Variants in USH2A observed in about 807,000 individuals in gnomAD.
The protein encoded by USH2A is Usher syndrome 2A (autosomal recessive, mild).
In USH2A, 443 loss-of-function variants were observed where a neutral mutation model predicts 538.9. The observed-to-expected ratio is 0.82, with a 90% confidence interval of 0.76 to 0.89. The LOEUF (loss-of-function observed/expected upper bound fraction) is 0.89, where lower values mean the gene tolerates loss of function less well. USH2A is among the 40% of genes least tolerant of loss of function. The pLI, the probability that USH2A is intolerant of heterozygous loss-of-function variation, is 0.00. For missense variants in USH2A, 6,633 were observed against 6,324.8 expected (o/e 1.05, Z -1.65); for synonymous variants, 2,413 against 2,273.5 (o/e 1.06, Z -1.75).
intron 22 of USH2A, among the ~76,000 whole-genome samples, chr1:216,096,317 T>C (rs1014448385): frequency 6.6e-6 from 1 of 152,190 alleles, no homozygotes; most frequent in African/African-American, 2.4e-5. Context: ...ATTTCCTTAA[T>C]ATTTGCTGCT....
Position 216,242,595 on chromosome 1 carries a change from G to A in USH2A, c.2809+3990C>T, listed in dbSNP as rs116179637. Among the ~76,000 whole-genome samples, 358 of 152,076 alleles carry A rather than the reference G, an allele frequency of 2.4e-3. 1 individual carries two copies. The highest frequency in any genetic ancestry group is 7.9e-3 in the African/African-American group (329 of 41,534). The stretch of plus-strand genomic sequence containing the variant: ...TAGATAATAATATAAAAAGAAACAG[G>A]TTGATAATTTCTTTCACTTCACCAT... On this transcript the variant is annotated intron_variant, in intron 13 of 71. Transcript: ENST00000307340.
chr1:215,873,537 T>C (rs776833552), intron 43 of USH2A, among the ~76,000 whole-genome samples: 3 of 152,192 alleles, frequency 2.0e-5, no homozygotes, highest in Non-Finnish European at 4.4e-5. Flanking sequence ...TTTTGAATAT[T>C]ATCCCCCACA....
intron 47 of USH2A, among the ~76,000 whole-genome samples, chr1:215,828,164 GA>G (rs1663207410): frequency 6.6e-6 from 1 of 152,110 alleles, no homozygotes; most frequent in Non-Finnish European, 1.5e-5. Flanking sequence ...AATATAGGGG[GA>G]TGCCGGGTGC....
intron 20 of USH2A, among the ~76,000 whole-genome samples, chr1:216,177,365 A>C (rs987929899): frequency 8.5e-5 from 13 of 152,106 alleles, no homozygotes; most frequent in African/African-American, 3.1e-4. Context: ...TCTTTGGTCA[A>C]AAAAGCTCCT....
intron 58 of USH2A, among the ~76,000 whole-genome samples, chr1:215,750,137 CA>C (rs968930516): frequency 6.6e-6 from 1 of 152,104 alleles, no homozygotes; most frequent in African/African-American, 2.4e-5. Context: ...GCATTTGTTT[CA>C]AAACACTTGG....
chr1:215,968,923 A>T (rs1667425950), intron 36 of USH2A, among the ~76,000 whole-genome samples: 1 of 152,192 alleles, frequency 6.6e-6, no homozygotes, highest in Non-Finnish European at 1.5e-5. Flanking sequence ...GCCTTTTAAG[A>T]TTGATTCATA....
chr1:215,758,634 T>G lies in USH2A; in HGVS notation c.11350A>C (p.Ile3784Leu), dbSNP rs1660884865. The G allele has an allele frequency of 3.7e-6, 6 of 1,613,654 alleles. No homozygotes were observed. In the African/African-American group the frequency reaches 4.0e-5, roughly 11 times the overall value. Residue 3784 changes from isoleucine to leucine, a missense_variant, in exon 58 of 72, where the codon ATT becomes CTT. By Grantham distance (5) the Ile-to-Leu change is conservative (BLOSUM62 2). Transcript: ENST00000307340. ...EIYPPYNITV[I>L]GPYSIFVAWI... ...GCTACAAATATAGAATAAGGCCCAA[T>G]TACTGTGATATTATATGGAGGATAG...
At chr1:216,259,808 ACTT>A (rs2036333179) in intron 11 of USH2A, among the ~76,000 whole-genome samples, 2 of 152,118 alleles carry the variant, frequency 1.3e-5, no homozygotes, top group South Asian at 4.1e-4. Flanking sequence ...TTTTCTCACT[ACTT>A]TAAAATAACA....
chr1:216,102,121 C>T (rs1423052741), intron 21 of USH2A, among the ~76,000 whole-genome samples: 1 of 151,006 alleles, frequency 6.6e-6, no homozygotes, highest in Non-Finnish European at 1.5e-5. Context: ...AATGAAAAGA[C>T]AAATGACATA....
At position 215,844,470 on chromosome 1, in the gene USH2A, C is replaced by A; in HGVS notation, c.9082G>T (p.Val3028Phe). 6.2e-7 allele frequency: 1 copy of A among 1,611,336 alleles called. No individual in the cohort carries two copies. The highest frequency in any genetic ancestry group is 8.5e-7 in the Non-Finnish European group (1 of 1,179,814). ...ACAGCTGTACTGTTGATGATGACAA[C>A]CTCTGGAGGAAGCATGCCCTGAGGC... ...GEPQGMLPPE[V>F]VIINSTAVRV... Residue 3028 changes from valine to phenylalanine, a missense_variant, in exon 46 of 72, where the codon GTT becomes TTT. By Grantham distance (50) the Val-to-Phe change is conservative (BLOSUM62 -1). Coordinates refer to ENST00000307340, the MANE Select transcript of USH2A (RefSeq NM_206933.4).
intron 18 of USH2A, 144 bp downstream of exon 18, chr1:216,198,171 C>T: frequency 8.3e-7 from 1 of 1,205,898 alleles, no homozygotes; most frequent in Admixed American, 2.4e-5. Flanking sequence ...GTAACAAATC[C>T]ATATATATGA....
intron 22 of USH2A, among the ~76,000 whole-genome samples, chr1:216,092,714 A>G (rs529604855): frequency 2.6e-4 from 39 of 152,316 alleles, no homozygotes; most frequent in African/African-American, 9.4e-4. Context: ...CCTTGCTAGC[A>G]TAAGCTCGTT....
intron 3 of USH2A, among the ~76,000 whole-genome samples, chr1:216,398,839 CT>C (rs2039261247): frequency 6.6e-6 from 1 of 152,180 alleles, no homozygotes; most frequent in Admixed American, 6.5e-5. Flanking sequence ...AGGCAGCTGT[CT>C]AACTGTAGGT....
Position 215,766,597 on chromosome 1 carries a change from T to C in USH2A, c.11047+84A>G, listed in dbSNP as rs558179549. 3.2e-6 allele frequency: 4 copies of C among 1,256,844 alleles called. No individual in the cohort carries two copies. In the Admixed American group the frequency reaches 5.1e-5, roughly 16 times the overall value. 77.9% of individuals were successfully genotyped at this position (1,256,844 alleles called of 1,614,324 possible). A position where few individuals can be genotyped will look rare whatever the true frequency, so the allele number is the denominator to read the frequency against. On this transcript the variant is annotated intron_variant, in intron 56 of 71. Transcript: ENST00000307340. ...TATCAACTTTATTGCCTCTTCCTTA[T>C]TTGTTATGAAGGAGTTTACAGATTC...
intron 21 of USH2A, among the ~76,000 whole-genome samples, chr1:216,156,878 C>T (rs1012450089): frequency 1.4e-3 from 195 of 143,666 alleles, no homozygotes; most frequent in Non-Finnish European, 2.4e-3. Flanking sequence ...ACTTCTATCT[C>T]TTTTTTTTTT....
At chr1:215,632,270 T>G (rs1656307563) in intron 70 of USH2A, among the ~76,000 whole-genome samples, 1 of 152,088 alleles carries the variant, frequency 6.6e-6, no homozygotes, top group Non-Finnish European at 1.5e-5. Flanking sequence ...ATTATTGAGT[T>G]TCTCCCTCAG....
rs113513093 is a variant in USH2A, at chr1:216,256,861, C to T, written c.1972-5763G>A. Reference sequence around the variant, plus strand: ...CAATGGTAGGCCATTAGTAGTTAAGCTTTTGGAGAGTCAAAATTAAACTTG... The same window carrying T: ...CAATGGTAGGCCATTAGTAGTTAAGTTTTTGGAGAGTCAAAATTAAACTTG... On this transcript the variant is annotated intron_variant, in intron 11 of 71. Coordinates refer to ENST00000307340, the MANE Select transcript of USH2A (RefSeq NM_206933.4). Among the ~76,000 whole-genome samples, 1,498 of 151,996 alleles carry T rather than the reference C, an allele frequency of 9.9e-3. 22 individuals are homozygous for T. Among genetic ancestry groups the T allele is most frequent in the African/African-American group, 0.034 (1,405 of 41,492 alleles).
chr1:216,322,262 C>T (rs916958467), intron 8 of USH2A, among the ~76,000 whole-genome samples: 23 of 152,026 alleles, frequency 1.5e-4, no homozygotes, highest in African/African-American at 5.1e-4. Context: ...ATACCAACCA[C>T]GTACCAAGGG....
At chr1:215,985,889 C>T (rs1053830214) in intron 35 of USH2A, among the ~76,000 whole-genome samples, 3 of 151,986 alleles carry the variant, frequency 2.0e-5, no homozygotes, top group African/African-American at 7.3e-5. Flanking sequence ...CTATTGTCTT[C>T]AAGGTACTAC....
Sources: gnomAD v4.1 joint callset for allele counts (sites outside exome capture counted in the v4.1 genomes callset) on GRCh38, gnomAD v4.1.1 for gene constraint, MANE v1.5 for transcripts, NCBI Gene and HGNC (gene_info 2026-07-23, HGNC 2026-07-21) for gene names.